The following NKAIN2 variants were observed in gnomAD, a reference collection of about 807,000 sequenced individuals.
NKAIN2 encodes sodium/potassium-transporting ATPase subunit beta-1-interacting protein 2.
Under a neutral mutation model 32.6 loss-of-function variants are expected in NKAIN2, and 14 were observed. That is an observed-to-expected ratio of 0.43 (90% CI 0.28 to 0.67). The LOEUF (loss-of-function observed/expected upper bound fraction) is 0.67, where lower values mean the gene tolerates loss of function less well. Ranked by LOEUF, NKAIN2 falls within the 30% of genes least tolerant of loss-of-function variation. The pLI is 0.17. For synonymous variants in NKAIN2, 80 were observed against 87.2 expected (o/e 0.92, Z 0.46); for missense variants, 198 against 258.3 (o/e 0.77, Z 1.60).
At chr6:123,939,362 A>G (rs1776709389) in intron 1 of NKAIN2, among the ~76,000 whole-genome samples, 1 of 151,996 alleles carries the variant, frequency 6.6e-6, no homozygotes, top group Admixed American at 6.6e-5. Context: ...TGAGATTTGT[A>G]ACACCAGTGG....
At chr6:124,450,657 A>G (rs978664293) in intron 3 of NKAIN2, among the ~76,000 whole-genome samples, 1 of 151,830 alleles carries the variant, frequency 6.6e-6, no homozygotes, top group Non-Finnish European at 1.5e-5. Flanking sequence ...TCCTGATAAG[A>G]ATATTAATTG....
intron 1 of NKAIN2, among the ~76,000 whole-genome samples, chr6:124,222,398 C>T (rs1791882415): frequency 6.6e-6 from 1 of 152,070 alleles, no homozygotes; most frequent in African/African-American, 2.4e-5. Flanking sequence ...GAGAGTGTGT[C>T]ATGTGGTAAT....
chr6:124,049,317 T>G (rs958722151), intron 1 of NKAIN2, among the ~76,000 whole-genome samples: 1 of 152,004 alleles, frequency 6.6e-6, no homozygotes, highest in Non-Finnish European at 1.5e-5. Context: ...AAACAATGTA[T>G]GGAAACATTC....
chr6:124,046,911 G>C (rs554475613), intron 1 of NKAIN2, among the ~76,000 whole-genome samples: 29 of 152,064 alleles, frequency 1.9e-4, no homozygotes, highest in African/African-American at 6.7e-4. Flanking sequence ...AAGTATATTG[G>C]AATGAGAAAA....
chr6:124,490,416 T>TTG (rs1562217646), intron 3 of NKAIN2: 1 of 410,930 alleles, frequency 2.4e-6, no homozygotes, highest in Non-Finnish European at 4.7e-6. Context: ...ATAGAGGTTT[T>TTG]TTTTTTTTTT....
chr6:124,459,344 A>T (rs1372447772), intron 3 of NKAIN2, among the ~76,000 whole-genome samples: 1 of 151,930 alleles, frequency 6.6e-6, no homozygotes, highest in Non-Finnish European at 1.5e-5. Flanking sequence ...GCATTGTAAC[A>T]TGAATTACCT....
At chr6:123,955,206 A>G (rs956345046) in intron 1 of NKAIN2, among the ~76,000 whole-genome samples, 4 of 151,762 alleles carry the variant, frequency 2.6e-5, no homozygotes, top group East Asian at 1.9e-4. Context: ...CAAAAAAAAA[A>G]AAAAAAGAAA....
intron 1 of NKAIN2, among the ~76,000 whole-genome samples, chr6:124,075,518 A>T (rs1783653728): frequency 6.6e-6 from 1 of 152,206 alleles, no homozygotes; most frequent in Non-Finnish European, 1.5e-5. Flanking sequence ...CACCCAAGCC[A>T]TCCTACTGTG....
At chr6:124,714,640 G>A (rs111676409) in intron 4 of NKAIN2, among the ~76,000 whole-genome samples, 10 of 152,174 alleles carry the variant, frequency 6.6e-5, no homozygotes, top group African/African-American at 1.7e-4. Flanking sequence ...TTCGCAGGCC[G>A]TCTAAAGAAG....
At chr6:124,774,455 T>C (rs1778899707) in intron 4 of NKAIN2, among the ~76,000 whole-genome samples, 1 of 151,850 alleles carries the variant, frequency 6.6e-6, no homozygotes, top group Non-Finnish European at 1.5e-5. Context: ...TATTAGGGAG[T>C]AGAGCAGGAT....
chr6:124,777,329 G>A (rs1241580745), intron 4 of NKAIN2, among the ~76,000 whole-genome samples: 1 of 152,166 alleles, frequency 6.6e-6, no homozygotes, highest in Non-Finnish European at 1.5e-5. Flanking sequence ...GCAGACAGTA[G>A]AGTGGTTAAG....
chr6:124,683,742 G>T (rs981970133), intron 4 of NKAIN2, among the ~76,000 whole-genome samples: 1 of 152,136 alleles, frequency 6.6e-6, no homozygotes, highest in Admixed American at 6.6e-5. Context: ...ATAAGCATTG[G>T]CTTCAAATGC....
intron 3 of NKAIN2, among the ~76,000 whole-genome samples, chr6:124,403,173 T>A (rs1400152947): frequency 1.3e-5 from 2 of 152,162 alleles, no homozygotes; most frequent in African/African-American, 4.8e-5. Context: ...TTCTTTTCAA[T>A]TTTCTATTTT....
At chr6:124,040,535 TTTG>T (rs1224640771) in intron 1 of NKAIN2, among the ~76,000 whole-genome samples, 3 of 152,054 alleles carry the variant, frequency 2.0e-5, no homozygotes, top group Non-Finnish European at 2.9e-5. Context: ...CATTTTAATT[TTTG>T]TTGTTTTTAT....
At chr6:123,867,209 C>G (rs533734866) in intron 1 of NKAIN2, among the ~76,000 whole-genome samples, 79 of 152,330 alleles carry the variant, frequency 5.2e-4, no homozygotes, top group Middle Eastern at 3.4e-3. Context: ...TTAGTCATAT[C>G]TACTTTCCAC....
intron 3 of NKAIN2, among the ~76,000 whole-genome samples, chr6:124,590,677 G>T (rs1301565023): frequency 6.6e-6 from 1 of 152,196 alleles, no homozygotes; most frequent in African/African-American, 2.4e-5. Context: ...CAAGTCTTAG[G>T]TGACTGTCAG....
chr6:124,317,778 T>A (rs994715716), intron 2 of NKAIN2, among the ~76,000 whole-genome samples: 4 of 152,146 alleles, frequency 2.6e-5, no homozygotes, highest in Non-Finnish European at 4.4e-5. Flanking sequence ...ACTACTAGGT[T>A]ATTCACATCT....
intron 3 of NKAIN2, among the ~76,000 whole-genome samples, chr6:124,402,553 T>C (rs1005274156): frequency 1.3e-5 from 2 of 152,204 alleles, no homozygotes; most frequent in African/African-American, 4.8e-5. Context: ...GCATTTAGTC[T>C]CAACATATTC....
At chr6:124,026,055 T>G (rs1218047800) in intron 1 of NKAIN2, among the ~76,000 whole-genome samples, 1 of 152,186 alleles carries the variant, frequency 6.6e-6, no homozygotes, top group African/African-American at 2.4e-5. Context: ...TGCTGAAGTT[T>G]CTTACTGTTT....
Sources: allele counts gnomAD v4.1 joint callset (sites outside exome capture counted in the v4.1 genomes callset), GRCh38; gene constraint gnomAD v4.1.1; transcripts MANE v1.5; gene names NCBI Gene and HGNC (gene_info 2026-07-23, HGNC 2026-07-21).